The following SMARCA2 variants were observed in gnomAD, a reference collection of about 807,000 sequenced individuals.
SMARCA2 encodes the protein SWI/SNF-related matrix-associated actin-dependent regulator of chromatin subfamily A member 2.
A neutral mutation model predicts 199.8 loss-of-function variants in SMARCA2; 61 were observed. The ratio of observed to expected loss-of-function variants is 0.31; its 90% CI spans 0.25 to 0.38. The LOEUF (loss-of-function observed/expected upper bound fraction) is 0.38, where lower values mean the gene tolerates loss of function less well. SMARCA2 is among the 10% of genes least tolerant of loss of function. The pLI is 1.00. For missense variants in SMARCA2, 1,344 were observed against 2,012.2 expected (o/e 0.67, Z 6.35); for synonymous variants, 935 against 732.0 (o/e 1.28, Z -4.48).
intron 21 of SMARCA2, among the ~76,000 whole-genome samples, chr9:2,101,081 G>A (rs963272455): frequency 6.6e-6 from 1 of 152,048 alleles, no homozygotes; most frequent in Non-Finnish European, 1.5e-5. Context: ...CGCCCCCAGG[G>A]TCCCACCCAC....
intron 25 of SMARCA2, among the ~76,000 whole-genome samples, chr9:2,116,857 C>G (rs1250179085): frequency 6.6e-6 from 1 of 152,184 alleles, no homozygotes; most frequent in Non-Finnish European, 1.5e-5. Flanking sequence ...TGTGCCCATA[C>G]TTACAAATTG....
At chr9:2,141,076 C>G (rs183496951) in intron 27 of SMARCA2, among the ~76,000 whole-genome samples, 1 of 152,200 alleles carries the variant, frequency 6.6e-6, no homozygotes, top group East Asian at 1.9e-4. Flanking sequence ...CTTACTGCCA[C>G]CAAGTTGGCA....
chr9:2,126,455 C>G (rs73638388), intron 27 of SMARCA2, among the ~76,000 whole-genome samples: 15,865 of 152,226 alleles, frequency 0.1, 1,675 homozygotes, highest in African/African-American at 0.27. Flanking sequence ...TTGGTGTTCA[C>G]CAGCAGCAAT....
At chr9:2,052,808 A>C (rs989226484) in intron 5 of SMARCA2, among the ~76,000 whole-genome samples, 4 of 152,284 alleles carry the variant, frequency 2.6e-5, no homozygotes, top group African/African-American at 7.2e-5. Context: ...TTTCACGTTA[A>C]TGAAAATGAT....
chr9:2,175,986 T>A (rs1374509717), intron 29 of SMARCA2, among the ~76,000 whole-genome samples: 1 of 152,118 alleles, frequency 6.6e-6, no homozygotes, highest in African/African-American at 2.4e-5. Context: ...GTTCAAGCGA[T>A]TCTCCTGCCT....
chr9:2,058,284 C>T lies in SMARCA2; in HGVS notation c.1348-7C>T, dbSNP rs1196059345. ...GTATCCTTTTCTTCCCTTTTTGGAT[C>T]TTCTAGGAATACCTGAACAGTATTT... is the stretch of plus-strand genomic sequence containing the variant. On this transcript the variant is annotated splice_region_variant and splice_polypyrimidine_tract_variant and intron_variant, in intron 7 of 33. Transcript: ENST00000349721. 6.2e-7 allele frequency: 1 copy of T among 1,611,498 alleles called. No homozygotes were observed. Among genetic ancestry groups the T allele is most frequent in the East Asian group, 2.2e-5 (1 of 44,874 alleles).
At chr9:2,035,182 C>T (rs1454680643) in intron 3 of SMARCA2, among the ~76,000 whole-genome samples, 1 of 152,084 alleles carries the variant, frequency 6.6e-6, no homozygotes, top group African/African-American at 2.4e-5. Flanking sequence ...GCTGGGACTA[C>T]AGGCGTGTGC....
chr9:2,141,921 G>A (rs572270592), intron 27 of SMARCA2, among the ~76,000 whole-genome samples: 2 of 152,286 alleles, frequency 1.3e-5, no homozygotes, highest in African/African-American at 4.8e-5. Flanking sequence ...AGGTGGTCTA[G>A]CTGGCCCGGG....
At chr9:2,044,079 G>A (rs1819728284) in intron 4 of SMARCA2, 3 of 152,280 alleles carry the variant, frequency 2.0e-5, no homozygotes, top group Admixed American at 2.0e-4. Context: ...AGAGAGCAAA[G>A]CCAGCCAGGC....
At chr9:2,187,436 C>T (rs1827546746) in intron 32 of SMARCA2, among the ~76,000 whole-genome samples, 1 of 152,134 alleles carries the variant, frequency 6.6e-6, no homozygotes. Context: ...CTCTGGGAGG[C>T]TGAGGCAGAA....
chr9:2,102,875 A>C (rs1822586164), intron 22 of SMARCA2, among the ~76,000 whole-genome samples: 1 of 152,032 alleles, frequency 6.6e-6, no homozygotes, highest in Admixed American at 6.6e-5. Flanking sequence ...TAGAGCCCTA[A>C]AGAGTCTGTT....
At chr9:2,163,165 G>A (rs1825769840) in intron 28 of SMARCA2, among the ~76,000 whole-genome samples, 1 of 152,224 alleles carries the variant, frequency 6.6e-6, no homozygotes, top group African/African-American at 2.4e-5. Context: ...TTATCTGCAA[G>A]GAGTTTTCAG....
intron 5 of SMARCA2, among the ~76,000 whole-genome samples, chr9:2,053,591 A>G (rs1233459808): frequency 1.3e-5 from 2 of 152,186 alleles, no homozygotes; most frequent in African/African-American, 4.8e-5. Context: ...ATTAAATAAC[A>G]TTGTACATTA....
chr9:2,113,223 C>A (rs1823079593), intron 24 of SMARCA2, among the ~76,000 whole-genome samples: 1 of 152,012 alleles, frequency 6.6e-6, no homozygotes, highest in Non-Finnish European at 1.5e-5. Flanking sequence ...GAGGACCCTA[C>A]CTAGAAGCAA....
rs1047231393 is a variant in SMARCA2, at chr9:2,192,713, G to A, written c.4747G>A (p.Glu1583Lys). Residue 1583 changes from glutamate (E) to lysine (K), a missense_variant, in exon 34 of 34, where the codon GAA (glutamate) becomes AAA (lysine). By Grantham distance (56) the Glu-to-Lys change is moderately conservative. Coordinates refer to ENST00000349721, the MANE Select transcript of SMARCA2 (RefSeq NM_003070.5). ...DEEQDEREQS[E>K]GSGTDDE Reference sequence around the variant, plus strand: ...TTATTTTTACTTTTAGGAACAGTCAGAAGGAAGTGGGACGGATGATGAGTG... The same window carrying A: ...TTATTTTTACTTTTAGGAACAGTCAAAAGGAAGTGGGACGGATGATGAGTG... The A allele has an allele frequency of 1.9e-6, 3 of 1,608,006 alleles. No individual in the cohort carries two copies. Among genetic ancestry groups the A allele is most frequent in the Non-Finnish European group, 2.6e-6 (3 of 1,174,562 alleles).
chr9:2,100,112 G>A (rs1169721658), intron 21 of SMARCA2, among the ~76,000 whole-genome samples: 1 of 152,236 alleles, frequency 6.6e-6, no homozygotes, highest in Non-Finnish European at 1.5e-5. Flanking sequence ...AGGAGGGAAA[G>A]CAGAAAAGGG....
chr9:2,147,763 G>C (rs1824839978), intron 27 of SMARCA2, among the ~76,000 whole-genome samples: 2 of 151,374 alleles, frequency 1.3e-5, no homozygotes, highest in East Asian at 3.9e-4. Flanking sequence ...AGGGAAAATT[G>C]CTTGAACCCG....
At position 2,077,722 on chromosome 9, in the gene SMARCA2, G is replaced by A; in HGVS notation, c.2130G>A (p.Glu710=). ...SYYTVAHAIS[E]RVEKQSALLI... Reference sequence around the variant, plus strand: ...ACACCGTGGCTCATGCCATCTCGGAGAGGGTGGAGAAACAGTCTGCCCTCC... The same window carrying A: ...ACACCGTGGCTCATGCCATCTCGGAAAGGGTGGAGAAACAGTCTGCCCTCC... Residue 710 remains glutamate (E), a synonymous_variant, in exon 14 of 34, where the codon GAG becomes GAA. Transcript: ENST00000349721. 1 of 1,614,092 alleles carries A rather than the reference G, an allele frequency of 6.2e-7. No individual in the cohort carries two copies. The highest frequency in any genetic ancestry group is 8.5e-7 in the Non-Finnish European group (1 of 1,179,964).
chr9:2,164,756 G>A (rs1825857212), intron 28 of SMARCA2, among the ~76,000 whole-genome samples: 1 of 152,170 alleles, frequency 6.6e-6, no homozygotes. Flanking sequence ...TGCAGATATT[G>A]AGTAGCTTTT....
Sources: gnomAD v4.1 joint callset for allele counts (sites outside exome capture counted in the v4.1 genomes callset) on GRCh38, gnomAD v4.1.1 for gene constraint, MANE v1.5 for transcripts, NCBI Gene and HGNC (gene_info 2026-07-23, HGNC 2026-07-21) for gene names.